XKR4: variants seen among roughly 807,000 people sequenced by gnomAD.
XKR4 encodes the protein XK-related protein 4.
XKR4 carries 12 observed loss-of-function variants against 53.9 expected under a neutral mutation model. The ratio of observed to expected loss-of-function variants is 0.22; its 90% CI spans 0.14 to 0.36. The LOEUF (loss-of-function observed/expected upper bound fraction) is 0.36, where lower values mean the gene tolerates loss of function less well. XKR4 is among the 10% of genes least tolerant of loss of function. The pLI, the probability that XKR4 is intolerant of heterozygous loss-of-function variation, is 1.00. For missense variants in XKR4, 799 were observed against 859.5 expected, an observed-to-expected ratio of 0.93 and a Z score of 0.88; for synonymous variants, 354 against 362.4, an observed-to-expected ratio of 0.98 and a Z score of 0.26.
At chr8:55,493,276 A>G (rs190565262) in intron 2 of XKR4, among the ~76,000 whole-genome samples, 4 of 152,292 alleles carry the variant, frequency 2.6e-5, no homozygotes, top group African/African-American at 9.6e-5. Context: ...TGCCCATCTA[A>G]TTCCTCATTT....
chr8:55,112,136 G>A lies in XKR4; in HGVS notation c.806+8842G>A, dbSNP rs560012503. ...AAATTTTTAAAAACCTTAAGCATCC[G>A]TTTTAAAATTATCTGAACAAAGTAT... is the stretch of plus-strand genomic sequence containing the variant. On this transcript the variant is annotated intron_variant, in intron 1 of 2. Transcript: ENST00000327381. 2.1e-3 allele frequency among the ~76,000 whole-genome samples: 326 copies of A among 152,218 alleles called. 1 individual carries two copies. The highest frequency in any genetic ancestry group is 7.3e-3 in the African/African-American group (304 of 41,528).
intron 2 of XKR4, among the ~76,000 whole-genome samples, chr8:55,426,188 T>C (rs956670751): frequency 2.0e-5 from 3 of 152,242 alleles, no homozygotes. Flanking sequence ...TTGAAAAGAA[T>C]TTAACTTTTC....
At chr8:55,451,191 G>A (rs1805436227) in intron 2 of XKR4, 3 of 554,976 alleles carry the variant, frequency 5.4e-6, no homozygotes, top group South Asian at 2.1e-5. Context: ...CTGGGGTGGG[G>A]CCATCGCCTC....
At chr8:55,203,908 G>A (rs906287223) in intron 1 of XKR4, among the ~76,000 whole-genome samples, 2 of 152,222 alleles carry the variant, frequency 1.3e-5, no homozygotes, top group South Asian at 2.1e-4. Context: ...CTTATTTTAA[G>A]TAACAGAAAG....
chr8:55,300,327 A>G (rs552480989), intron 1 of XKR4, among the ~76,000 whole-genome samples: 1 of 152,156 alleles, frequency 6.6e-6, no homozygotes, highest in South Asian at 2.1e-4. Context: ...GCTGAATCTG[A>G]GTGAAAATGA....
At chr8:55,178,943 G>T (rs1489461232) in intron 1 of XKR4, among the ~76,000 whole-genome samples, 2 of 152,082 alleles carry the variant, frequency 1.3e-5, no homozygotes, top group Non-Finnish European at 1.5e-5. Flanking sequence ...TTACTTTTTG[G>T]CATCTTGTTG....
At chr8:55,105,309 C>T (rs1816125292) in intron 1 of XKR4, among the ~76,000 whole-genome samples, 1 of 150,140 alleles carries the variant, frequency 6.7e-6, no homozygotes, top group Non-Finnish European at 1.5e-5. Flanking sequence ...GAGACCATAG[C>T]CACTGGGCCA....
chr8:55,454,346 A>C, intron 2 of XKR4: 2 of 1,508,770 alleles, frequency 1.3e-6, no homozygotes, highest in Non-Finnish European at 1.8e-6. Context: ...GGCCTCCAGC[A>C]GCTGGGCCGG....
chr8:55,118,586 A>C (rs538438384), intron 1 of XKR4, among the ~76,000 whole-genome samples: 1 of 152,194 alleles, frequency 6.6e-6, no homozygotes, highest in Non-Finnish European at 1.5e-5. Context: ...GCAATTCAAA[A>C]TTTTCAGTAT....
chr8:55,243,068 A>G (rs1385777197), intron 1 of XKR4, among the ~76,000 whole-genome samples: 2 of 152,192 alleles, frequency 1.3e-5, no homozygotes, highest in Non-Finnish European at 2.9e-5. Flanking sequence ...AGCAAAATTG[A>G]AGAGCAAGTA....
chr8:55,149,171 C>G (rs1350984201), intron 1 of XKR4, among the ~76,000 whole-genome samples: 1 of 152,210 alleles, frequency 6.6e-6, no homozygotes, highest in East Asian at 1.9e-4. Context: ...CTGGCTGTGT[C>G]TCTGCCATTC....
intron 2 of XKR4, among the ~76,000 whole-genome samples, chr8:55,468,954 C>T (rs1008183215): frequency 6.6e-6 from 1 of 152,114 alleles, no homozygotes; most frequent in Non-Finnish European, 1.5e-5. Context: ...ATATTCAAAA[C>T]CAAACTCTTG....
intron 1 of XKR4, among the ~76,000 whole-genome samples, chr8:55,210,826 G>A (rs1817720783): frequency 6.6e-6 from 1 of 152,188 alleles, no homozygotes. Context: ...AAATTGACAG[G>A]GGGCAGGGTG....
At chr8:55,308,556 C>A (rs1322940324) in intron 1 of XKR4, among the ~76,000 whole-genome samples, 4 of 152,174 alleles carry the variant, frequency 2.6e-5, no homozygotes, top group Non-Finnish European at 5.9e-5. Context: ...CCTCCCTTGA[C>A]ACGTGGATAT....
chr8:55,363,017 A>G (rs2129384974), intron 2 of XKR4, among the ~76,000 whole-genome samples: 1 of 152,368 alleles, frequency 6.6e-6, no homozygotes, highest in Non-Finnish European at 1.5e-5. Context: ...GCTTCCTTGT[A>G]GAGGAACCAT....
chr8:55,418,032 C>T (rs1436434341), intron 2 of XKR4, among the ~76,000 whole-genome samples: 2 of 152,184 alleles, frequency 1.3e-5, no homozygotes, highest in Non-Finnish European at 2.9e-5. Context: ...TCAGAAACAA[C>T]ACAGTGAGGG....
chr8:55,378,251 G>A (rs1449115219), intron 2 of XKR4, among the ~76,000 whole-genome samples: 2 of 152,178 alleles, frequency 1.3e-5, no homozygotes, highest in African/African-American at 4.8e-5. Context: ...CAAAGGATGT[G>A]GAAATGCCAA....
At chr8:55,194,081 GC>G in intron 1 of XKR4, among the ~76,000 whole-genome samples, 2 of 152,276 alleles carry the variant, frequency 1.3e-5, no homozygotes, top group South Asian at 4.1e-4. Flanking sequence ...AGTGGTCAGG[GC>G]CTGCTCCATC....
At chr8:55,454,559 A>C (rs1585582714) in intron 2 of XKR4, 2 of 1,436,030 alleles carry the variant, frequency 1.4e-6, no homozygotes, top group African/African-American at 1.4e-5. Flanking sequence ...ATGGGCAGGG[A>C]GTCGGCCAGT....
Sources: gnomAD v4.1 joint callset for allele counts (sites outside exome capture counted in the v4.1 genomes callset) on GRCh38, gnomAD v4.1.1 for gene constraint, MANE v1.5 for transcripts, NCBI Gene and HGNC (gene_info 2026-07-23, HGNC 2026-07-21) for gene names.